Variants in DHX37 observed in about 807,000 individuals in gnomAD.
DHX37 encodes DEAH-box helicase 37.
In DHX37, 52 loss-of-function variants were observed where a neutral mutation model predicts 134.3. The observed-to-expected ratio is 0.39, with a 90% CI of 0.31 to 0.49. The LOEUF is 0.49. DHX37 is among the 20% of genes least tolerant of loss of function. The pLI, the probability that DHX37 is intolerant of heterozygous loss-of-function variation, is 0.93. For synonymous variants in DHX37, 634 were observed against 670.7 expected, an observed-to-expected ratio of 0.95 and a Z score of 0.85; for missense variants, 1,344 against 1,580.8, an observed-to-expected ratio of 0.85 and a Z score of 2.54.
At chr12:124,985,651 G>T (rs1262843167) in intron 2 of DHX37, among the ~76,000 whole-genome samples, 1 of 150,656 alleles carries the variant, frequency 6.6e-6, no homozygotes, top group African/African-American at 2.4e-5. Flanking sequence ...GGAGGCTGAG[G>T]CAGGAGAATC....
chr12:124,986,274 GCA>G lies in DHX37; in HGVS notation c.107-11_107-10del. ...CTTCAACGTGTCCTTGTCTGAGAGA[GCA>G]CAGTTATTAAGTCCCCATTCTCCTT... On this transcript the variant is annotated splice_polypyrimidine_tract_variant and intron_variant, in intron 1 of 26. Transcript: ENST00000308736. The G allele has an allele frequency of 3.7e-6, 6 of 1,612,542 alleles. No individual in the cohort carries two copies. The highest frequency in any genetic ancestry group is 1.7e-4 in the Middle Eastern group (1 of 6,056).
chr12:124,975,558 T>C (rs773544476), intron 5 of DHX37, 47 bp from the exon 6 acceptor site: 13 of 1,590,458 alleles, frequency 8.2e-6, no homozygotes, highest in African/African-American at 1.3e-5. Flanking sequence ...GCCCCACCTG[T>C]TCATGCCAAA....
intron 16 of DHX37, among the ~76,000 whole-genome samples, 157 bp downstream of exon 16, chr12:124,960,155 G>A (rs1300079362): frequency 6.6e-6 from 1 of 152,218 alleles, no homozygotes; most frequent in Non-Finnish European, 1.5e-5. Flanking sequence ...AGCGGTCACA[G>A]GAGCCCAGAA....
chr12:124,954,265 C>T, intron 18 of DHX37, 54 bp from the exon 19 acceptor site: 3 of 1,517,502 alleles, frequency 2.0e-6, no homozygotes, highest in Non-Finnish European at 2.6e-6. Context: ...CGCTCAGGGC[C>T]TCAGCGGGGG....
intron 5 of DHX37, among the ~76,000 whole-genome samples, chr12:124,976,585 T>G (rs1241690703): frequency 6.6e-6 from 1 of 152,250 alleles, no homozygotes; most frequent in African/African-American, 2.4e-5. Flanking sequence ...ATCCCAGCAC[T>G]TTGGGAGGCC....
Position 124,952,584 on chromosome 12 carries a change from C to G in DHX37, c.2696-14G>C. ...ACACGGCATTGACTGAGGGGAGAAC[C>G]AAGAGTGAGGTCGGTGGTGGCAAGG... On this transcript the variant is annotated splice_polypyrimidine_tract_variant and intron_variant, in intron 20 of 26. Transcript: ENST00000308736. 1 of 1,561,850 alleles carries G rather than the reference C, an allele frequency of 6.4e-7. No individual in the cohort carries two copies.
chr12:124,981,539 A>T (rs933897096), intron 3 of DHX37, among the ~76,000 whole-genome samples: 3 of 152,092 alleles, frequency 2.0e-5, no homozygotes, highest in Non-Finnish European at 4.4e-5. Context: ...GGCTCAGGTG[A>T]TCCTCCCACC....
chr12:124,977,268 G>T, intron 5 of DHX37, 74 bp downstream of exon 5: 1 of 1,446,412 alleles, frequency 6.9e-7, no homozygotes, highest in Non-Finnish European at 9.1e-7. Context: ...GGGGAGCCCA[G>T]GCTCTTATCG....
rs1954932191 is a variant in DHX37, at chr12:124,989,111, C to T, written c.-89G>A. 1 of 818,834 alleles carries T rather than the reference C, an allele frequency of 1.2e-6. No individual in the cohort carries two copies. The highest frequency in any genetic ancestry group is 4.3e-5 in the Admixed American group (1 of 23,210). The allele number at this position is 818,834 out of a possible 1,614,324, so 50.7% of individuals were successfully genotyped here. On this transcript the variant is annotated 5_prime_UTR_variant, in exon 1 of 27. Coordinates refer to ENST00000308736, the MANE Select transcript of DHX37 (RefSeq NM_032656.4). ...ACGTGGGTTCCCAGACCACCAACTC[C>T]GGCCGTGAGACTTCCGGGTTGTGTT...
At chr12:124,950,992 C>T (rs569281703) in intron 21 of DHX37, among the ~76,000 whole-genome samples, 188 bp from the exon 22 acceptor site, 1 of 152,278 alleles carries the variant, frequency 6.6e-6, no homozygotes, top group South Asian at 2.1e-4. Flanking sequence ...AAGGAAGTGC[C>T]GGGTGCAATG....
In DHX37 at chr12:124,977,335, C is replaced by G; in HGVS notation, c.887+7G>C. On this transcript the variant is annotated splice_region_variant and intron_variant, in intron 5 of 26. Transcript: ENST00000308736. The stretch of plus-strand genomic sequence containing the variant: ...GACCCAGAGAGAACCCTGTGTCCAG[C>G]CCCTACCTGCTGAAGCCTGCTTCAT... The G allele has an allele frequency of 6.5e-7, 1 of 1,543,054 alleles. No individual in the cohort carries two copies. The highest frequency in any genetic ancestry group is 1.4e-5 in the African/African-American group (1 of 72,522).
intron 8 of DHX37, among the ~76,000 whole-genome samples, chr12:124,969,464 C>A (rs12579939): frequency 0.22 from 33,477 of 152,054 alleles, 4,369 homozygotes; most frequent in Non-Finnish European, 0.3. Context: ...GTGGCCAAAG[C>A]ACCTCTGTGG....
Position 124,948,298 on chromosome 12 carries a change from G to T in DHX37, c.3291-117C>A, listed in dbSNP as rs149563296. ...CACCAGCCCCACCCAGGAGGGTGAA[G>T]AGCTGGCTGGGCATGGTGACATGCA... On this transcript the variant is annotated intron_variant, in intron 25 of 26. Transcript: ENST00000308736. 4.6e-4 allele frequency: 675 copies of T among 1,462,370 alleles called. 4 individuals carry two copies. The African/African-American group carries it at 8.7e-3, about 19-fold the overall frequency. 90.6% of individuals were successfully genotyped at this position (1,462,370 alleles called of 1,614,324 possible).
chr12:124,977,334 G>A lies in DHX37; in HGVS notation c.887+8C>T. On this transcript the variant is annotated splice_region_variant and intron_variant, in intron 5 of 26. Transcript: ENST00000308736. ...GGACCCAGAGAGAACCCTGTGTCCA[G>A]CCCCTACCTGCTGAAGCCTGCTTCA... 6.5e-7 allele frequency: 1 copy of A among 1,542,156 alleles called. No individual in the cohort carries two copies. Among genetic ancestry groups the A allele is most frequent in the Non-Finnish European group, 8.7e-7 (1 of 1,146,820 alleles).
intron 2 of DHX37, among the ~76,000 whole-genome samples, chr12:124,983,550 C>A (rs12833528): frequency 0.36 from 54,780 of 151,180 alleles, 10,025 homozygotes; most frequent in East Asian, 0.44. Flanking sequence ...TTTAGGAGGC[C>A]GAGGCGGGTG....
intron 12 of DHX37, among the ~76,000 whole-genome samples, chr12:124,966,234 A>G (rs145954040): frequency 0.016 from 2,444 of 152,146 alleles, 61 homozygotes; most frequent in African/African-American, 0.055. Flanking sequence ...ATGCCTGGCT[A>G]ATTTTGTATT....
intron 4 of DHX37, among the ~76,000 whole-genome samples, chr12:124,978,029 C>T (rs1341039545): frequency 2.6e-5 from 4 of 152,168 alleles, no homozygotes; most frequent in African/African-American, 4.8e-5. Flanking sequence ...GGCGCGATCT[C>T]GGCTCACTGC....
chr12:124,968,492 A>C, intron 10 of DHX37, 42 bp downstream of exon 10: 10 of 1,604,764 alleles, frequency 6.2e-6, no homozygotes, highest in Non-Finnish European at 8.5e-6. Context: ...GCGAGGGTTT[A>C]GGAAGGGAGG....
At position 124,975,465 on chromosome 12, in the gene DHX37, C is replaced by A. The variant is rs200112553; in HGVS notation, c.934G>T (p.Val312Leu). Reference protein sequence around the residue: ...GVTEPRRVAAVAMSQRVAKEM... With the variant: ...GVTEPRRVAALAMSQRVAKEM... ...TTGGCCACTCGCTGGGACATGGCCA[C>A]GGCGGCCACTCGGCGGGGCTCCGTG... The change falls in exon 6 of 27, where the codon GTG becomes TTG. Residue 312 changes from valine to leucine, a missense_variant. Coordinates refer to ENST00000308736, the MANE Select transcript of DHX37 (RefSeq NM_032656.4). 6.2e-7 allele frequency: 1 copy of A among 1,612,914 alleles called. No homozygotes were observed. The highest frequency in any genetic ancestry group is 1.7e-5 in the Admixed American group (1 of 60,012).
Sources: gnomAD v4.1 joint callset for allele counts (sites outside exome capture counted in the v4.1 genomes callset) on GRCh38, gnomAD v4.1.1 for gene constraint, MANE v1.5 for transcripts, NCBI Gene and HGNC (gene_info 2026-07-23, HGNC 2026-07-21) for gene names.